CALCRL: variants seen among roughly 807,000 people sequenced by gnomAD.
CALCRL encodes calcitonin gene-related peptide type 1 receptor.
CALCRL carries 27 observed loss-of-function variants against 60.4 expected under a neutral mutation model. The observed-to-expected ratio is 0.45, with a 90% confidence interval of 0.33 to 0.62. CALCRL has a LOEUF of 0.62. CALCRL is among the 20% of genes least tolerant of loss of function. The pLI is 0.03. For synonymous variants in CALCRL, 190 were observed against 182.6 expected (o/e 1.04, Z -0.33); for missense variants, 424 against 540.7 (o/e 0.78, Z 2.14).
intron 4 of CALCRL, among the ~76,000 whole-genome samples, chr2:187,384,536 G>T (rs1040960218): frequency 6.6e-6 from 1 of 152,192 alleles, no homozygotes; most frequent in African/African-American, 2.4e-5. Flanking sequence ...GCTCAGTGGA[G>T]GGTGTGAGCT....
chr2:187,447,262 C>G (rs1490328811), intron 1 of CALCRL, among the ~76,000 whole-genome samples: 1 of 146,154 alleles, frequency 6.8e-6, no homozygotes, highest in Non-Finnish European at 1.5e-5. Context: ...ATCGTGGTAT[C>G]ACACCCCCCT....
At chr2:187,369,478 A>G (rs1361557780) in intron 8 of CALCRL, among the ~76,000 whole-genome samples, 1 of 152,176 alleles carries the variant, frequency 6.6e-6, no homozygotes, top group African/African-American at 2.4e-5. Context: ...TTTTAATAAA[A>G]TGGAGGTAAG....
chr2:187,348,883 A>AG (rs2105687604), intron 14 of CALCRL, among the ~76,000 whole-genome samples: 1 of 151,784 alleles, frequency 6.6e-6, no homozygotes, highest in Admixed American at 6.6e-5. Flanking sequence ...TTCCATTGTA[A>AG]GGGAAGATAG....
At chr2:187,352,702 G>A (rs858746) in intron 12 of CALCRL, among the ~76,000 whole-genome samples, 151,873 of 152,014 alleles carry the variant, frequency 1, 75,866 homozygotes, top group Middle Eastern at 1. Flanking sequence ...AATTGTTTAT[G>A]GAAAAATGCT....
rs698577 is a variant in CALCRL at position 187,385,574 on chromosome 2, A to G, written c.22T>C (p.Tyr8His). 1.3e-5 allele frequency: 20 copies of G among 1,561,080 alleles called. No homozygotes were observed. The African/African-American group carries it at 2.6e-4, about 20-fold the overall frequency. ...AAAAAAGGCAAGAGAACCAGAAAAT[A>G]CAGGGTACACTTTTTCTCCATCATT... MEKKCTL[Y>H]FLVLLPFFMI... is the part of the protein sequence containing the mutation. Residue 8 changes from tyrosine (Y) to histidine (H), a missense_variant, in exon 4 of 15, where the codon TAT becomes CAT. This residue lies in a region of CALCRL where 108 missense variants were observed against 132.9 expected (regional missense o/e 0.81). Coordinates refer to ENST00000392370, the MANE Select transcript of CALCRL (RefSeq NM_005795.6).
Position 187,353,545 on chromosome 2 carries a change from C to T in CALCRL, c.910-1213G>A, listed in dbSNP as rs936378188. On this transcript the variant is annotated intron_variant, in intron 12 of 14. Coordinates refer to ENST00000392370, the MANE Select transcript of CALCRL (RefSeq NM_005795.6). ...ACTATTTTTAGAAAATTTAATAGAA[C>T]ATATGCTTCAAAAATATACAGCTCA... 2.0e-5 allele frequency among the ~76,000 whole-genome samples: 3 copies of T among 152,012 alleles called. No individual in the cohort carries two copies. In the South Asian group the frequency reaches 6.2e-4, roughly 31 times the overall value.
chr2:187,373,271 C>G (rs1687610796), intron 8 of CALCRL, among the ~76,000 whole-genome samples: 3 of 152,112 alleles, frequency 2.0e-5, no homozygotes, highest in Non-Finnish European at 4.4e-5. Context: ...AGTGGCATAT[C>G]TGGTAGATCA....
chr2:187,423,830 A>G (rs1690005708), intron 1 of CALCRL, among the ~76,000 whole-genome samples: 1 of 152,108 alleles, frequency 6.6e-6, no homozygotes, highest in Non-Finnish European at 1.5e-5. Context: ...TATTAGTTAT[A>G]CAGTAAATGT....
At chr2:187,381,584 T>A (rs1366035028) in intron 5 of CALCRL, among the ~76,000 whole-genome samples, 1 of 151,972 alleles carries the variant, frequency 6.6e-6, no homozygotes, top group Non-Finnish European at 1.5e-5. Flanking sequence ...GCCTCCCAAG[T>A]GGCTGGGACT....
chr2:187,368,010 G>GC (rs1206361303), intron 8 of CALCRL, among the ~76,000 whole-genome samples: 1 of 151,984 alleles, frequency 6.6e-6, no homozygotes, highest in Non-Finnish European at 1.5e-5. Flanking sequence ...AGTAAGTAGC[G>GC]TCAAGTCACT....
chr2:187,387,519 C>T (rs1688258284), intron 2 of CALCRL, 26 bp from the exon 3 acceptor site: 2 of 338,644 alleles, frequency 5.9e-6, no homozygotes, highest in African/African-American at 2.1e-5. Context: ...ACCAAAATAC[C>T]ATGAATCATT....
At chr2:187,426,925 CT>C (rs1690164222) in intron 1 of CALCRL, among the ~76,000 whole-genome samples, 2 of 152,000 alleles carry the variant, frequency 1.3e-5, no homozygotes, top group Admixed American at 1.3e-4. Context: ...TTTATTTACC[CT>C]ATATTATTTA....
chr2:187,363,924 C>T (rs569499598), intron 8 of CALCRL, among the ~76,000 whole-genome samples: 1 of 152,158 alleles, frequency 6.6e-6, no homozygotes, highest in South Asian at 2.1e-4. Flanking sequence ...TTCATTACAC[C>T]ATATATATTG....
intron 1 of CALCRL, among the ~76,000 whole-genome samples, chr2:187,390,704 C>G (rs1422032748): frequency 6.6e-6 from 1 of 151,930 alleles, no homozygotes; most frequent in Admixed American, 6.6e-5. Flanking sequence ...CCTTCTTTAC[C>G]CTATTCCCTA....
intron 14 of CALCRL, among the ~76,000 whole-genome samples, chr2:187,349,242 G>A (rs1370611535): frequency 6.6e-6 from 1 of 151,436 alleles, no homozygotes; most frequent in African/African-American, 2.4e-5. Context: ...AGGGCACTAG[G>A]GATAAAATGA....
At chr2:187,393,482 G>A (rs1688533259) in intron 1 of CALCRL, among the ~76,000 whole-genome samples, 1 of 151,994 alleles carries the variant, frequency 6.6e-6, no homozygotes, top group African/African-American at 2.4e-5. Context: ...AACTCCCAAA[G>A]CAAGTTATTC....
At chr2:187,416,728 G>A (rs2105862091) in intron 1 of CALCRL, among the ~76,000 whole-genome samples, 1 of 152,158 alleles carries the variant, frequency 6.6e-6, no homozygotes, top group Non-Finnish European at 1.5e-5. Context: ...AACAGAAAAT[G>A]TAGGATTCTC....
chr2:187,385,034 T>G (rs1405431086), intron 4 of CALCRL, among the ~76,000 whole-genome samples: 1 of 152,190 alleles, frequency 6.6e-6, no homozygotes, highest in Admixed American at 6.5e-5. Context: ...TGCAGACTTA[T>G]GCACACACTT....
At position 187,363,460 on chromosome 2, in the gene CALCRL, G is replaced by T. The variant is rs1341312655; in HGVS notation, c.543C>A (p.Phe181Leu). 3.1e-6 allele frequency: 5 copies of T among 1,607,870 alleles called. No homozygotes were observed. Among genetic ancestry groups the T allele is most frequent in the Non-Finnish European group, 4.2e-6 (5 of 1,176,978 alleles). ...CQRITLHKNLFFSFVCNSVVT... is the reference protein window; with the variant it reads ...CQRITLHKNLLFSFVCNSVVT... Reference sequence around the variant, plus strand: ...CAACAGAGTTACAAACAAATGAGAAGAACAGATTTTTGTGTAAGGTAATCC... The same window carrying T: ...CAACAGAGTTACAAACAAATGAGAATAACAGATTTTTGTGTAAGGTAATCC... Residue 181 changes from phenylalanine to leucine, a missense_variant, in exon 9 of 15, where the codon TTC becomes TTA. Transcript: ENST00000392370.
Sources: gnomAD v4.1 joint callset for allele counts (sites outside exome capture counted in the v4.1 genomes callset) on GRCh38, gnomAD v4.1.1 for gene constraint, gnomAD v4.1.1 regional missense constraint, MANE v1.5 for transcripts, NCBI Gene and HGNC (gene_info 2026-07-23, HGNC 2026-07-21) for gene names.